The following ZBTB20 variants were observed in gnomAD, a reference collection of about 807,000 sequenced individuals.
ZBTB20 encodes the protein zinc finger and BTB domain-containing protein 20.
In ZBTB20, 9 loss-of-function variants were observed where a neutral mutation model predicts 56.9. The ratio of observed to expected loss-of-function variants is 0.16; its 90% CI spans 0.10 to 0.28. ZBTB20 has a LOEUF of 0.28. Among genes scored for constraint, ZBTB20 ranks in the 10% least tolerant of loss-of-function variants. The pLI is 1.00. For synonymous variants in ZBTB20, 417 were observed against 420.7 expected, an observed-to-expected ratio of 0.99 and a Z score of 0.11; for missense variants, 655 against 1,003.0, an observed-to-expected ratio of 0.65 and a Z score of 4.69.
intron 4 of ZBTB20, among the ~76,000 whole-genome samples, chr3:114,875,394 A>T (rs1208216752): frequency 3.3e-5 from 5 of 152,084 alleles, no homozygotes; most frequent in African/African-American, 1.2e-4. Flanking sequence ...AATAAATTAA[A>T]ATGCTTGCAA....
chr3:114,856,208 T>C (rs1457577619), intron 4 of ZBTB20, among the ~76,000 whole-genome samples: 1 of 152,202 alleles, frequency 6.6e-6, no homozygotes, highest in African/African-American at 2.4e-5. Context: ...TAATTAACAT[T>C]TGATGGTCCT....
chr3:114,808,288 T>C (rs956068246), intron 4 of ZBTB20, among the ~76,000 whole-genome samples: 1 of 152,004 alleles, frequency 6.6e-6, no homozygotes, highest in African/African-American at 2.4e-5. Flanking sequence ...ACAATTGAGG[T>C]CAACCAATGA....
chr3:114,504,272 G>A (rs2044339931), intron 6 of ZBTB20, among the ~76,000 whole-genome samples: 1 of 152,074 alleles, frequency 6.6e-6, no homozygotes, highest in East Asian at 1.9e-4. Flanking sequence ...GAGTAGAGGA[G>A]TACCGAGCAG....
At chr3:114,967,915 CCATTGCACTCCAACCTAGGTGACA>C (rs972026696) in intron 3 of ZBTB20, among the ~76,000 whole-genome samples, 2 of 151,428 alleles carry the variant, frequency 1.3e-5, no homozygotes, top group African/African-American at 4.9e-5. Flanking sequence ...CAAGATCACC[CCATTGCACTCCAACCTAGGTGACA>C]CAGCGAGACT....
chr3:115,011,468 T>C (rs966681510), intron 2 of ZBTB20, among the ~76,000 whole-genome samples: 2 of 151,858 alleles, frequency 1.3e-5, no homozygotes, highest in African/African-American at 2.4e-5. Flanking sequence ...GACTTTTCAC[T>C]GGAAACTTTA....
intron 10 of ZBTB20, among the ~76,000 whole-genome samples, chr3:114,375,317 C>T (rs947559363): frequency 3.3e-5 from 5 of 152,122 alleles, no homozygotes; most frequent in Admixed American, 2.0e-4. Context: ...ATCACAAACC[C>T]GTTCAAACAG....
intron 7 of ZBTB20, among the ~76,000 whole-genome samples, chr3:114,409,125 CTTTTTTTTTTTT>C (rs56339103): frequency 6.1e-4 from 44 of 71,986 alleles, no homozygotes; most frequent in African/African-American, 1.4e-3. Flanking sequence ...AAAGGGAAGA[CTTTTTTTTTTTT>C]TTTTTTTTTT....
intron 6 of ZBTB20, among the ~76,000 whole-genome samples, chr3:114,632,113 C>A (rs1160873819): frequency 6.6e-6 from 1 of 152,202 alleles, no homozygotes; most frequent in Admixed American, 6.5e-5. Context: ...GTCTGGCCAT[C>A]AGCACTATCT....
rs1435059466 is a variant in ZBTB20 at position 114,334,530 on chromosome 3, A to C, written c.*4475T>G. Reference sequence around the variant, plus strand: ...AATGTGAAACAAACATACCTGGAGGAAAACTTTTTTCATTATCAGAATTCA... The same window carrying C: ...AATGTGAAACAAACATACCTGGAGGCAAACTTTTTTCATTATCAGAATTCA... On this transcript the variant is annotated 3_prime_UTR_variant, in exon 12 of 12. Coordinates refer to ENST00000675478, the MANE Select transcript of ZBTB20 (RefSeq NM_001348800.3). 6.6e-6 allele frequency: 1 copy of C among 152,222 alleles called. No individual in the cohort carries two copies. Among genetic ancestry groups the C allele is most frequent in the Non-Finnish European group, 1.5e-5 (1 of 68,046 alleles). 9.4% of individuals were successfully genotyped at this position (152,222 alleles called of 1,614,324 possible).
intron 6 of ZBTB20, among the ~76,000 whole-genome samples, chr3:114,669,417 C>G (rs765581478): frequency 6.6e-6 from 1 of 151,894 alleles, no homozygotes; most frequent in Non-Finnish European, 1.5e-5. Flanking sequence ...AATCTGGATA[C>G]CATACTAAGG....
At chr3:114,514,486 C>T (rs2045759563) in intron 6 of ZBTB20, among the ~76,000 whole-genome samples, 1 of 152,166 alleles carries the variant, frequency 6.6e-6, no homozygotes, top group Admixed American at 6.6e-5. Flanking sequence ...GAGAGACACC[C>T]AGGTTCATCT....
intron 7 of ZBTB20, among the ~76,000 whole-genome samples, chr3:114,440,256 G>C (rs2090821515): frequency 6.6e-6 from 1 of 152,062 alleles, no homozygotes; most frequent in South Asian, 2.1e-4. Flanking sequence ...CTGTGAAGTA[G>C]ATGAGGATAG....
intron 2 of ZBTB20, among the ~76,000 whole-genome samples, chr3:115,009,991 C>T (rs887610818): frequency 2.0e-5 from 3 of 151,850 alleles, no homozygotes; most frequent in Admixed American, 6.6e-5. Context: ...TACTAAGTGC[C>T]GACTTATTCG....
At chr3:114,942,901 A>G (rs1001894469) in intron 3 of ZBTB20, among the ~76,000 whole-genome samples, 1 of 145,590 alleles carries the variant, frequency 6.9e-6, no homozygotes, top group Non-Finnish European at 1.5e-5. Flanking sequence ...CAGCCAAGAC[A>G]TGAAGAATCA....
chr3:114,837,921 ACTCT>A (rs1264798230), intron 4 of ZBTB20, among the ~76,000 whole-genome samples: 1 of 152,108 alleles, frequency 6.6e-6, no homozygotes, highest in Non-Finnish European at 1.5e-5. Context: ...TTAAAAAATG[ACTCT>A]CTCATGAATT....
At chr3:115,053,035 A>G (rs1280130935) in intron 2 of ZBTB20, among the ~76,000 whole-genome samples, 1 of 152,216 alleles carries the variant, frequency 6.6e-6, no homozygotes, top group African/African-American at 2.4e-5. Flanking sequence ...ATCACTGCCT[A>G]TAACTCTCTC....
At chr3:114,512,748 G>A (rs956119174) in intron 6 of ZBTB20, among the ~76,000 whole-genome samples, 1 of 152,064 alleles carries the variant, frequency 6.6e-6, no homozygotes, top group Non-Finnish European at 1.5e-5. Context: ...CTTACAATCT[G>A]ATCTGAAGCA....
chr3:114,831,087 C>CTT lies in ZBTB20; in HGVS notation c.-416-29915_-416-29914dup, dbSNP rs57265260. On this transcript the variant is annotated intron_variant, in intron 4 of 11. Transcript: ENST00000675478. ...ATATTTCTCTTATGGTTTCTTTCTT[C>CTT]TTTTTTTTTTTTTTTTTTTTTTTTT... Among the ~76,000 whole-genome samples, 89 of 55,554 alleles carry CTT rather than the reference C, an allele frequency of 1.6e-3. 2 individuals are homozygous for CTT. The highest frequency in any genetic ancestry group is 2.1e-3 in the African/African-American group (44 of 20,538). 36.4% of individuals were successfully genotyped at this position (55,554 alleles called of 152,430 possible). A position where few individuals can be genotyped will look rare whatever the true frequency, so the allele number is the denominator to read the frequency against.
At chr3:114,548,858 G>T (rs1229522796) in intron 6 of ZBTB20, among the ~76,000 whole-genome samples, 1 of 152,116 alleles carries the variant, frequency 6.6e-6, no homozygotes, top group Admixed American at 6.6e-5. Flanking sequence ...TAAAGCAAAG[G>T]TTGCATAAAC....
Sources: allele counts gnomAD v4.1 joint callset (sites outside exome capture counted in the v4.1 genomes callset), GRCh38; gene constraint gnomAD v4.1.1; transcripts MANE v1.5; gene names NCBI Gene and HGNC (gene_info 2026-07-23, HGNC 2026-07-21).